ULK2: variants seen among roughly 807,000 people sequenced by gnomAD.
ULK2 encodes the protein serine/threonine-protein kinase ULK2.
Under a neutral mutation model 127.5 loss-of-function variants are expected in ULK2, and 76 were observed. The observed-to-expected ratio is 0.60, with a 90% CI of 0.50 to 0.72. The LOEUF is 0.72. Ranked by LOEUF, ULK2 falls within the 30% of genes least tolerant of loss-of-function variation. ULK2 has a pLI of 0.00. For synonymous variants in ULK2, 452 were observed against 461.9 expected, an observed-to-expected ratio of 0.98 and a Z score of 0.28; for missense variants, 1,144 against 1,295.9, an observed-to-expected ratio of 0.88 and a Z score of 1.80.
At chr17:19,843,380 CAA>C (rs1225675146) in intron 7 of ULK2, among the ~76,000 whole-genome samples, 158 bp from the exon 8 acceptor site, 1 of 152,026 alleles carries the variant, frequency 6.6e-6, no homozygotes, top group African/African-American at 2.4e-5. Flanking sequence ...AAAGAACTTA[CAA>C]CATATTATTA....
intron 7 of ULK2, among the ~76,000 whole-genome samples, 191 bp from the exon 8 acceptor site, chr17:19,843,413 A>C (rs1309271815): frequency 6.6e-6 from 1 of 152,152 alleles, no homozygotes; most frequent in Non-Finnish European, 1.5e-5. Context: ...TTTACTAGTA[A>C]ATCTCAAAAT....
chr17:19,771,010 G>C lies in ULK2; in HGVS notation c.*5339C>G, dbSNP rs925726087. 2 of 152,316 alleles carry C rather than the reference G, an allele frequency of 1.3e-5. No homozygotes were observed. Among genetic ancestry groups the C allele is most frequent in the Middle Eastern group, 3.4e-3 (1 of 294 alleles). The allele number at this position is 152,316 out of a possible 1,614,324, so 9.4% of individuals were successfully genotyped here. On this transcript the variant is annotated 3_prime_UTR_variant, in exon 27 of 27. Coordinates refer to ENST00000395544, the MANE Select transcript of ULK2 (RefSeq NM_014683.4). ...TTGCTGCCTTCCACTAGGCAGATGG[G>C]TCCAGCAGGAGACATTGGAGCACCA...
intron 3 of ULK2, among the ~76,000 whole-genome samples, chr17:19,853,256 C>T (rs138618862): frequency 9.9e-4 from 150 of 150,788 alleles, no homozygotes; most frequent in African/African-American, 3.5e-3. Flanking sequence ...TGCCTCAGCA[C>T]CCCCGAGTAG....
chr17:19,822,748 G>C (rs765571773), intron 12 of ULK2, among the ~76,000 whole-genome samples: 4 of 151,526 alleles, frequency 2.6e-5, no homozygotes, highest in African/African-American at 4.9e-5. Flanking sequence ...GTGCAGTTGA[G>C]CGATCTTAGC....
rs555969585 is a variant in ULK2, at chr17:19,773,519, A to G, written c.*2830T>C. On this transcript the variant is annotated 3_prime_UTR_variant, in exon 27 of 27. Transcript: ENST00000395544. ...TAAGTTACTTATCAGTCTTCACTAG[A>G]GGTTGTTTCTCTCAACTAAAGTTAT... 1 of 152,282 alleles carries G rather than the reference A, an allele frequency of 6.6e-6. No homozygotes were observed. The highest frequency in any genetic ancestry group is 1.5e-5 in the Non-Finnish European group (1 of 68,034). The allele number at this position is 152,282 out of a possible 1,614,324, so 9.4% of individuals were successfully genotyped here.
In ULK2 at chr17:19,804,792, G is replaced by A; in HGVS notation, c.1196C>T (p.Ala399Val). 6.2e-7 allele frequency: 1 copy of A among 1,612,792 alleles called. No homozygotes were observed. Among genetic ancestry groups the A allele is most frequent in the African/African-American group, 1.3e-5 (1 of 74,984 alleles). ...TATTTGAGTAGGAACTGGAATTGGT[G>A]CTGTTTCGCTGTGAGGTGACACAGT... ...QPTVSPHSETAPIPVPTQIRN... is the reference protein window; with the variant it reads ...QPTVSPHSETVPIPVPTQIRN... Residue 399 changes from alanine (A) to valine (V), a missense_variant, in exon 15 of 27, where the codon GCA (alanine) becomes GTA (valine). By Grantham distance (64) the Ala-to-Val change is moderately conservative. Around this residue, in one of 2 missense-constraint regions of ULK2, gnomAD observed 913 missense variants for 970.5 expected, o/e 0.94. Transcript: ENST00000395544.
intron 17 of ULK2, 97 bp downstream of exon 17, chr17:19,799,398 C>G (rs1567685286): frequency 1.9e-6 from 2 of 1,053,682 alleles, no homozygotes; most frequent in Non-Finnish European, 2.6e-6. Context: ...GGAGATATTT[C>G]ATATCAATTC....
At chr17:19,855,176 G>A (rs1423795627) in intron 3 of ULK2, among the ~76,000 whole-genome samples, 5 of 151,188 alleles carry the variant, frequency 3.3e-5, no homozygotes, top group South Asian at 2.1e-4. Flanking sequence ...AGGCCGAGGC[G>A]GGTGGATCAC....
Position 19,801,800 on chromosome 17 carries a change from C to T in ULK2, c.1418G>A (p.Arg473Lys), listed in dbSNP as rs992331131. 6.2e-7 allele frequency: 1 copy of T among 1,614,152 alleles called. No individual in the cohort carries two copies. Among genetic ancestry groups the T allele is most frequent in the Non-Finnish European group, 8.5e-7 (1 of 1,180,022 alleles). ...ACCCAAAGGGGAAGGTGAGTAAGGC[C>T]TAGAAGACCCAGTGGAGAGCCTTCG... ...VGRRLSTGSSRPYSPSPLVGT... is the reference protein window; with the variant it reads ...VGRRLSTGSSKPYSPSPLVGT... Residue 473 changes from arginine (R) to lysine (K), a missense_variant, in exon 16 of 27, where the codon AGG becomes AAG. By Grantham distance (26) the Arg-to-Lys change is conservative (BLOSUM62 2). This residue lies in a region of ULK2 where 913 missense variants were observed against 970.5 expected (regional missense o/e 0.94). Transcript: ENST00000395544.
At chr17:19,822,450 C>T (rs1248430232) in intron 12 of ULK2, among the ~76,000 whole-genome samples, 1 of 151,646 alleles carries the variant, frequency 6.6e-6, no homozygotes, top group Non-Finnish European at 1.5e-5. Flanking sequence ...CAGCCTCTGC[C>T]TCCTGGGTTC....
At chr17:19,846,562 C>T (rs1474076463) in intron 6 of ULK2, among the ~76,000 whole-genome samples, 175 bp downstream of exon 6, 3 of 151,754 alleles carry the variant, frequency 2.0e-5, no homozygotes, top group Non-Finnish European at 2.9e-5. Flanking sequence ...ATCGCTTGAA[C>T]CCAGGAGGCG....
rs2041002136 is a variant in ULK2, at chr17:19,816,851, G to C, written c.994C>G (p.Leu332Val). The change falls in exon 13 of 27, where the codon CTA (leucine) becomes GTA (valine). Residue 332 changes from leucine (L) to valine (V), a missense_variant. Coordinates refer to ENST00000395544, the MANE Select transcript of ULK2 (RefSeq NM_014683.4). ...CTGGCAGAATCTTTGGAAACTTGTA[G>C]ATAGTTGGGAGGACCCAATGGTGGG... Reference protein sequence around the residue: ...SSPPLGPPNYLQVSKDSASTS... With the variant: ...SSPPLGPPNYVQVSKDSASTS... 1 of 1,612,774 alleles carries C rather than the reference G, an allele frequency of 6.2e-7. No individual in the cohort carries two copies. The highest frequency in any genetic ancestry group is 1.3e-5 in the African/African-American group (1 of 74,974).
At position 19,781,077 on chromosome 17, in the gene ULK2, C is replaced by T; in HGVS notation, c.2667G>A (p.Met889Ile). The change falls in exon 24 of 27, where the codon ATG (methionine) becomes ATA (isoleucine). Residue 889 changes from methionine (M) to isoleucine (I), a missense_variant. Coordinates refer to ENST00000395544, the MANE Select transcript of ULK2 (RefSeq NM_014683.4). ...WGRVEQLVLYMKAAQLLAASL... is the reference protein window; with the variant it reads ...WGRVEQLVLYIKAAQLLAASL... ...AAGCCGCAAGCAGCTGTGCTGCTTT[C>T]ATGTACAACACCAGCTGCTCCACCC... is the stretch of plus-strand genomic sequence containing the variant. 6.2e-7 allele frequency: 1 copy of T among 1,613,656 alleles called. No homozygotes were observed. The highest frequency in any genetic ancestry group is 8.5e-7 in the Non-Finnish European group (1 of 1,179,806).
At chr17:19,815,685 TCTA>T (rs1189137835) in intron 13 of ULK2, among the ~76,000 whole-genome samples, 1 of 152,216 alleles carries the variant, frequency 6.6e-6, no homozygotes, top group African/African-American at 2.4e-5. Context: ...GAGTATCTGC[TCTA>T]CTATTTTGTT....
chr17:19,849,543 TTTTTAAA>T lies in ULK2; in HGVS notation c.259-145_259-139del, dbSNP rs1167391429. 6.6e-4 allele frequency: 668 copies of T among 1,005,868 alleles called. 2 individuals carry two copies. Among genetic ancestry groups the T allele is most frequent in the Non-Finnish European group, 5.2e-4 (361 of 695,376 alleles). 62.3% of individuals were successfully genotyped at this position (1,005,868 alleles called of 1,614,324 possible). A position where few individuals can be genotyped will look rare whatever the true frequency, so the allele number is the denominator to read the frequency against. On this transcript the variant is annotated intron_variant, in intron 4 of 26. Coordinates refer to ENST00000395544, the MANE Select transcript of ULK2 (RefSeq NM_014683.4). ...CCTAAAAACATTATAGATTCAAAAT[TTTTTAAA>T]TTTTATATTCCTTGAGTAGAATCTA...
At position 19,777,447 on chromosome 17, in the gene ULK2, C is replaced by T. The variant is rs2086832928; in HGVS notation, c.3052+134G>A. 16 of 956,030 alleles carry T rather than the reference C, an allele frequency of 1.7e-5. No homozygotes were observed. In the South Asian group the frequency reaches 3.2e-4, roughly 19 times the overall value. 59.2% of individuals were successfully genotyped at this position (956,030 alleles called of 1,614,324 possible). ...AAAAGAAGCTGAGGCCACACAAAGG[C>T]TGTGATTTGCACAAGGCTGGAAAGC... On this transcript the variant is annotated intron_variant, in intron 26 of 26. Coordinates refer to ENST00000395544, the MANE Select transcript of ULK2 (RefSeq NM_014683.4).
intron 3 of ULK2, among the ~76,000 whole-genome samples, chr17:19,862,929 G>C (rs1375643473): frequency 6.6e-6 from 1 of 152,068 alleles, no homozygotes; most frequent in African/African-American, 2.4e-5. Context: ...AACTTGCAAA[G>C]CAGACCGGGA....
At chr17:19,811,321 CA>C (rs2087634737) in intron 13 of ULK2, 1 of 151,932 alleles carries the variant, frequency 6.6e-6, no homozygotes, top group Non-Finnish European at 1.5e-5. Flanking sequence ...ACATAATTTT[CA>C]AACGAAATTA....
chr17:19,814,269 A>ACT (rs926437035), intron 13 of ULK2, among the ~76,000 whole-genome samples: 6 of 151,302 alleles, frequency 4.0e-5, no homozygotes, highest in African/African-American at 1.5e-4. Context: ...AAAATATAGA[A>ACT]CACCATTATA....
Sources: allele counts gnomAD v4.1 joint callset (sites outside exome capture counted in the v4.1 genomes callset), GRCh38; gene constraint gnomAD v4.1.1; regional missense constraint gnomAD v4.1.1; transcripts MANE v1.5; gene names NCBI Gene and HGNC (gene_info 2026-07-23, HGNC 2026-07-21).